EHBP1: variants seen among roughly 807,000 people sequenced by gnomAD.
EHBP1 encodes the protein EH domain-binding protein 1.
A neutral mutation model predicts 144.0 loss-of-function variants in EHBP1; 55 were observed. The observed-to-expected ratio is 0.38, with a 90% confidence interval of 0.31 to 0.48. The LOEUF (loss-of-function observed/expected upper bound fraction) is 0.48, where lower values mean the gene tolerates loss of function less well. Among genes scored for constraint, EHBP1 ranks in the 20% least tolerant of loss-of-function variants. The pLI is 0.98. For synonymous variants in EHBP1, 469 were observed against 472.7 expected (o/e 0.99, Z 0.10); for missense variants, 1,200 against 1,364.2 (o/e 0.88, Z 1.90).
chr2:62,948,242 T>C lies in EHBP1; in HGVS notation c.1414-18T>C. ...TATGAACTGTTCAATATATCTTTTG[T>C]TTTTCCTTCCTTTGAAGGCATACGA... is the stretch of plus-strand genomic sequence containing the variant. On this transcript the variant is annotated intron_variant, in intron 12 of 22. Coordinates refer to ENST00000431489, the MANE Select transcript of EHBP1 (RefSeq NM_001142616.3). 1 of 1,523,340 alleles carries C rather than the reference T, an allele frequency of 6.6e-7. No homozygotes were observed. The highest frequency in any genetic ancestry group is 8.8e-7 in the Non-Finnish European group (1 of 1,138,652). 94.4% of individuals were successfully genotyped at this position (1,523,340 alleles called of 1,614,324 possible).
intron 2 of EHBP1, among the ~76,000 whole-genome samples, chr2:62,708,547 T>C (rs1297378919): frequency 1.3e-5 from 2 of 152,222 alleles, no homozygotes; most frequent in Non-Finnish European, 2.9e-5. Flanking sequence ...AAGGTCATAA[T>C]GGTGCCACTT....
At chr2:62,737,759 T>TA (rs200287718) in intron 2 of EHBP1, among the ~76,000 whole-genome samples, 63 of 151,036 alleles carry the variant, frequency 4.2e-4, no homozygotes, top group African/African-American at 7.0e-4. Context: ...TGTCTGTCTT[T>TA]AAAAAAAAAG....
At chr2:63,043,607 T>C (rs1271271472) in intron 21 of EHBP1, among the ~76,000 whole-genome samples, 1 of 152,194 alleles carries the variant, frequency 6.6e-6, no homozygotes, top group Non-Finnish European at 1.5e-5. Flanking sequence ...AAATACAAGA[T>C]AGAATTCCCT....
intron 6 of EHBP1, 128 bp from the exon 7 acceptor site, chr2:62,830,891 G>C (rs1443795304): frequency 3.0e-5 from 26 of 880,274 alleles, no homozygotes; most frequent in Non-Finnish European, 4.2e-5. Context: ...CAATATTCTT[G>C]TGCAACTGAT....
intron 10 of EHBP1, among the ~76,000 whole-genome samples, chr2:62,918,692 T>C (rs900826312): frequency 3.4e-4 from 51 of 152,230 alleles, no homozygotes; most frequent in African/African-American, 1.2e-3. Context: ...CACTGAAAGC[T>C]AAAGTTGGTT....
At position 62,800,184 on chromosome 2, in the gene EHBP1, A is replaced by G. The variant is rs79426780; in HGVS notation, c.313-25903A>G. On this transcript the variant is annotated intron_variant, in intron 5 of 22. Coordinates refer to ENST00000431489, the MANE Select transcript of EHBP1 (RefSeq NM_001142616.3). ...GGCAGTGATGATGCTTGAATTTTGA[A>G]GCCATAAATGTGATGTGTTAACCCT... Among the ~76,000 whole-genome samples the G allele has an allele frequency of 4.6e-5, 7 of 152,296 alleles. No individual in the cohort carries two copies. In the East Asian group the frequency reaches 1.4e-3, roughly 29 times the overall value.
intron 2 of EHBP1, among the ~76,000 whole-genome samples, chr2:62,715,236 T>C (rs1462237448): frequency 2.0e-5 from 3 of 152,130 alleles, no homozygotes; most frequent in Non-Finnish European, 4.4e-5. Flanking sequence ...TGCCTCGGCC[T>C]CCCGAGTAGC....
At chr2:62,804,673 T>TG (rs2044304402) in intron 5 of EHBP1, among the ~76,000 whole-genome samples, 1 of 152,146 alleles carries the variant, frequency 6.6e-6, no homozygotes, top group African/African-American at 2.4e-5. Flanking sequence ...TTGTATAAAT[T>TG]GGGGATTGGG....
intron 7 of EHBP1, among the ~76,000 whole-genome samples, chr2:62,835,439 G>A (rs1478495751): frequency 6.6e-6 from 1 of 152,176 alleles, no homozygotes; most frequent in Non-Finnish European, 1.5e-5. Context: ...ACAAAGAAAT[G>A]AGTAAACTTT....
At chr2:62,921,319 C>T (rs1328189333) in intron 10 of EHBP1, among the ~76,000 whole-genome samples, 2 of 151,970 alleles carry the variant, frequency 1.3e-5, no homozygotes, top group Non-Finnish European at 2.9e-5. Flanking sequence ...GGTGCATGTG[C>T]CTGTAGCCCC....
intron 15 of EHBP1, among the ~76,000 whole-genome samples, chr2:62,985,938 C>G (rs995816709): frequency 6.6e-6 from 1 of 152,134 alleles, no homozygotes; most frequent in African/African-American, 2.4e-5. Context: ...TTGGTATCTC[C>G]TCAACATCTA....
chr2:62,878,437 A>T (rs549554642), intron 10 of EHBP1, among the ~76,000 whole-genome samples: 34 of 152,300 alleles, frequency 2.2e-4, no homozygotes, highest in African/African-American at 7.9e-4. Flanking sequence ...AAAAAATAAG[A>T]TGAGGGACTC....
intron 5 of EHBP1, among the ~76,000 whole-genome samples, chr2:62,810,889 A>G (rs1179642802): frequency 6.6e-6 from 1 of 152,252 alleles, no homozygotes; most frequent in Non-Finnish European, 1.5e-5. Flanking sequence ...AGGGATTCAT[A>G]TAAACTTCCC....
In EHBP1 at chr2:62,707,060, C is replaced by A. The variant is rs1412938358; in HGVS notation, c.-132C>A. 1.5e-6 allele frequency: 1 copy of A among 660,438 alleles called. No homozygotes were observed. Among genetic ancestry groups the A allele is most frequent in the African/African-American group, 1.8e-5 (1 of 55,768 alleles). The allele number at this position is 660,438 out of a possible 1,614,324, so 40.9% of individuals were successfully genotyped here. A position where few individuals can be genotyped will look rare whatever the true frequency, so the allele number is the denominator to read the frequency against. On this transcript the variant is annotated 5_prime_UTR_variant, in exon 2 of 23. Transcript: ENST00000431489. ...AAACAGGGAGAAGACTTATGGACCC[C>A]AAGCATCATTTCGAGTTGTAGTTGA...
chr2:62,964,060 C>T (rs1261773841), intron 14 of EHBP1, among the ~76,000 whole-genome samples: 1 of 152,096 alleles, frequency 6.6e-6, no homozygotes, highest in Non-Finnish European at 1.5e-5. Context: ...AATAGTTTAT[C>T]TATTATGTCT....
At chr2:62,888,989 A>T (rs2052187047) in intron 10 of EHBP1, among the ~76,000 whole-genome samples, 1 of 150,604 alleles carries the variant, frequency 6.6e-6, no homozygotes, top group South Asian at 2.1e-4. Context: ...ATGCAAGTAC[A>T]AACTTGGCAC....
At position 62,907,948 on chromosome 2, in the gene EHBP1, A is replaced by G. The variant is rs116672792; in HGVS notation, c.1185+33416A>G. On this transcript the variant is annotated intron_variant, in intron 10 of 22. Coordinates refer to ENST00000431489, the MANE Select transcript of EHBP1 (RefSeq NM_001142616.3). ...TGTCCTGGAGGAGGAACATTTGGCAATGTCTATATATGCCTTCAGTTGTCA... is the reference window on the plus strand; with the variant it reads ...TGTCCTGGAGGAGGAACATTTGGCAGTGTCTATATATGCCTTCAGTTGTCA... 7.9e-3 allele frequency among the ~76,000 whole-genome samples: 1,197 copies of G among 152,282 alleles called. 14 individuals carry two copies. The highest frequency in any genetic ancestry group is 0.027 in the African/African-American group (1,117 of 41,560).
intron 18 of EHBP1, among the ~76,000 whole-genome samples, chr2:62,995,190 A>AT (rs1178671181): frequency 6.6e-6 from 1 of 151,858 alleles, no homozygotes; most frequent in Non-Finnish European, 1.5e-5. Context: ...CTATTATTTT[A>AT]TTTTTTTCTG....
chr2:62,914,423 T>C (rs561802156), intron 10 of EHBP1, among the ~76,000 whole-genome samples: 1 of 152,252 alleles, frequency 6.6e-6, no homozygotes, highest in Admixed American at 6.5e-5. Flanking sequence ...CTTTAATGTT[T>C]CTAATTTTTT....
Sources: gnomAD v4.1 joint callset for allele counts (sites outside exome capture counted in the v4.1 genomes callset) on GRCh38, gnomAD v4.1.1 for gene constraint, MANE v1.5 for transcripts, NCBI Gene and HGNC (gene_info 2026-07-23, HGNC 2026-07-21) for gene names.